The following FNDC3B variants were observed in gnomAD, a reference collection of about 807,000 sequenced individuals.
FNDC3B encodes the protein fibronectin type III domain-containing protein 3B.
In FNDC3B, 12 loss-of-function variants were observed where a neutral mutation model predicts 151.5. The observed-to-expected ratio is 0.08, with a 90% CI of 0.05 to 0.13. The LOEUF is 0.13. Ranked by LOEUF, FNDC3B falls within the 10% of genes least tolerant of loss-of-function variation. The probability of loss-of-function intolerance (pLI) is 1.00; values close to 1 mark genes in which losing one functional copy is unlikely to be tolerated. For missense variants in FNDC3B, 1,214 were observed against 1,505.3 expected (o/e 0.81, Z 3.20); for synonymous variants, 528 against 549.0 (o/e 0.96, Z 0.54).
At chr3:172,363,448 G>A (rs1383628198) in intron 23 of FNDC3B, among the ~76,000 whole-genome samples, 4 of 152,166 alleles carry the variant, frequency 2.6e-5, no homozygotes, top group Non-Finnish European at 4.4e-5. Flanking sequence ...CTCTGAAAAT[G>A]TCCGATCAGA....
chr3:172,097,978 A>G (rs58605278), intron 1 of FNDC3B, among the ~76,000 whole-genome samples: 11,822 of 152,118 alleles, frequency 0.078, 1,544 homozygotes, highest in African/African-American at 0.27. Context: ...TCAGTCCTTT[A>G]ATTTGAGAAA....
chr3:172,329,107 A>C, intron 12 of FNDC3B, 31 bp downstream of exon 12: 1 of 1,587,992 alleles, frequency 6.3e-7, no homozygotes, highest in Non-Finnish European at 8.6e-7. Context: ...CTTGCCCTTC[A>C]GCCTTTGGAT....
intron 2 of FNDC3B, among the ~76,000 whole-genome samples, chr3:172,113,814 C>T (rs574876403): frequency 2.0e-5 from 3 of 152,192 alleles, no homozygotes; most frequent in Non-Finnish European, 4.4e-5. Context: ...TCTCCACTTC[C>T]TCTCCTTCCT....
chr3:172,087,503 G>A (rs1718606172), intron 1 of FNDC3B, among the ~76,000 whole-genome samples: 1 of 152,028 alleles, frequency 6.6e-6, no homozygotes, highest in Non-Finnish European at 1.5e-5. Flanking sequence ...AAACTTAGGT[G>A]GAAAATATGC....
intron 3 of FNDC3B, among the ~76,000 whole-genome samples, chr3:172,149,454 T>C (rs947696987): frequency 6.6e-6 from 1 of 152,190 alleles, no homozygotes; most frequent in Non-Finnish European, 1.5e-5. Context: ...ACAGATAATT[T>C]CTAAAATTAT....
chr3:172,108,503 T>C (rs1168994775), intron 1 of FNDC3B, among the ~76,000 whole-genome samples: 1 of 152,242 alleles, frequency 6.6e-6, no homozygotes, highest in Non-Finnish European at 1.5e-5. Context: ...TGAGGTCTCC[T>C]CACAGCTGAG....
In FNDC3B at chr3:172,334,725, A is replaced by G. The variant is rs1341412103; in HGVS notation, c.1642-219A>G. 2.0e-5 allele frequency among the ~76,000 whole-genome samples: 3 copies of G among 152,234 alleles called. No homozygotes were observed. The East Asian group carries it at 5.8e-4, about 29-fold the overall frequency. ...CCAAAGTGTTAGGATTACAGGCGTG[A>G]GCCACTGTGCTGGCTGGTTTTATTT... On this transcript the variant is annotated intron_variant, in intron 14 of 25. Transcript: ENST00000415807.
At chr3:172,375,474 T>G (rs1353466015) in intron 23 of FNDC3B, among the ~76,000 whole-genome samples, 1 of 152,222 alleles carries the variant, frequency 6.6e-6, no homozygotes, top group East Asian at 1.9e-4. Flanking sequence ...GCCTCTGTCA[T>G]GCCCATCGTC....
At position 172,362,857 on chromosome 3, in the gene FNDC3B, G is replaced by A. The variant is rs780438554; in HGVS notation, c.3008+12G>A. 102 of 1,599,342 alleles carry A rather than the reference G, an allele frequency of 6.4e-5. No homozygotes were observed. Among genetic ancestry groups the A allele is most frequent in the South Asian group, 3.8e-4 (34 of 90,314 alleles). ...GACAGAAACAAGAGGTGAGGTGGGG[G>A]TGAGGATGCTCCTGAAGCTTCTGTA... On this transcript the variant is annotated intron_variant, in intron 23 of 25. Coordinates refer to ENST00000415807, the MANE Select transcript of FNDC3B (RefSeq NM_022763.4).
chr3:172,327,801 G>T lies in FNDC3B; in HGVS notation c.1255-1151G>T, dbSNP rs368950373. Among the ~76,000 whole-genome samples the T allele has an allele frequency of 5.8e-4, 88 of 152,346 alleles. 1 individual carries two copies. The highest frequency in any genetic ancestry group is 1.8e-3 in the African/African-American group (74 of 41,574). ...AAACCACCTGGAATGTGTTTTAGTGGTATTTGGAGACCTGCTGAAAGGAAG... is the reference window on the plus strand; with the variant it reads ...AAACCACCTGGAATGTGTTTTAGTGTTATTTGGAGACCTGCTGAAAGGAAG... On this transcript the variant is annotated intron_variant, in intron 11 of 25. Coordinates refer to ENST00000415807, the MANE Select transcript of FNDC3B (RefSeq NM_022763.4).
chr3:172,160,284 GTGGATTTTGGCTTCCCACTTACA>G (rs1722703306), intron 3 of FNDC3B, among the ~76,000 whole-genome samples: 1 of 152,190 alleles, frequency 6.6e-6, no homozygotes, highest in Admixed American at 6.5e-5. Flanking sequence ...CTTGCCTGTT[GTGGATTTTGGCTTCCCACTTACA>G]GGGGCGGAGC....
intron 3 of FNDC3B, among the ~76,000 whole-genome samples, chr3:172,171,346 T>C (rs1443707046): frequency 6.6e-6 from 1 of 152,256 alleles, no homozygotes; most frequent in Non-Finnish European, 1.5e-5. Flanking sequence ...TGCACACTTC[T>C]TATTTAGCAA....
At chr3:172,153,024 T>G (rs908848316) in intron 3 of FNDC3B, among the ~76,000 whole-genome samples, 2 of 152,124 alleles carry the variant, frequency 1.3e-5, no homozygotes, top group Non-Finnish European at 2.9e-5. Context: ...GTGACCACTT[T>G]TCTGTGTCGG....
intron 1 of FNDC3B, among the ~76,000 whole-genome samples, chr3:172,073,324 T>C (rs1717867999): frequency 1.3e-5 from 2 of 152,180 alleles, no homozygotes. Flanking sequence ...TTGCCCACTT[T>C]CCATTTGTAA....
chr3:172,269,350 T>C (rs1477503896), intron 6 of FNDC3B, among the ~76,000 whole-genome samples: 1 of 152,112 alleles, frequency 6.6e-6, no homozygotes, highest in African/African-American at 2.4e-5. Flanking sequence ...CCTCAAACAC[T>C]GCATCTCAAG....
At chr3:172,069,837 G>A (rs1228090892) in intron 1 of FNDC3B, among the ~76,000 whole-genome samples, 1 of 152,156 alleles carries the variant, frequency 6.6e-6, no homozygotes. Context: ...TTTACAAGGT[G>A]ATGCCTTATA....
intron 25 of FNDC3B, among the ~76,000 whole-genome samples, chr3:172,382,807 G>A (rs1735526607): frequency 6.6e-6 from 1 of 152,128 alleles, no homozygotes; most frequent in African/African-American, 2.4e-5. Context: ...TGAGCCCTCT[G>A]TTATGTTCCA....
At chr3:172,108,478 T>C (rs1001253239) in intron 1 of FNDC3B, among the ~76,000 whole-genome samples, 33 of 152,242 alleles carry the variant, frequency 2.2e-4, no homozygotes, top group African/African-American at 7.5e-4. Flanking sequence ...TCGGCTTTCA[T>C]CAGGTAGGTA....
intron 4 of FNDC3B, among the ~76,000 whole-genome samples, chr3:172,228,044 T>A (rs1034226920): frequency 1.3e-5 from 2 of 152,194 alleles, no homozygotes; most frequent in African/African-American, 4.8e-5. Context: ...TTTTTTTCCA[T>A]CCTTTTTTTT....
Sources: allele counts gnomAD v4.1 joint callset (sites outside exome capture counted in the v4.1 genomes callset), GRCh38; gene constraint gnomAD v4.1.1; transcripts MANE v1.5; gene names NCBI Gene and HGNC (gene_info 2026-07-23, HGNC 2026-07-21).